The following TIMM50 variants were observed in gnomAD, a reference collection of about 807,000 sequenced individuals.
The protein encoded by TIMM50 is mitochondrial import inner membrane translocase subunit TIM50.
A neutral mutation model predicts 49.6 loss-of-function variants in TIMM50; 34 were observed. The observed-to-expected ratio is 0.69, with a 90% CI of 0.52 to 0.91. TIMM50 has a LOEUF of 0.91. Ranked by LOEUF, TIMM50 falls within the 40% of genes least tolerant of loss-of-function variation. The pLI, the probability that TIMM50 is intolerant of heterozygous loss-of-function variation, is 0.00. For missense variants in TIMM50, 458 were observed against 477.8 expected (o/e 0.96, Z 0.39); for synonymous variants, 199 against 198.4 (o/e 1.00, Z -0.03).
intron 9 of TIMM50, 84 bp downstream of exon 9, chr19:39,488,301 G>A (rs2079521265): frequency 1.3e-6 from 2 of 1,494,104 alleles, no homozygotes; most frequent in African/African-American, 1.4e-5. Context: ...ATTCATGGCT[G>A]GGCGACTGAG....
Position 39,491,167 on chromosome 19 carries a change from CTTTG to C in TIMM50, c.*1351_*1354del, listed in dbSNP as rs1245637836. The C allele has an allele frequency of 2.2e-5, 3 of 137,134 alleles. No homozygotes were observed. The highest frequency in any genetic ancestry group is 2.4e-4 in the South Asian group (1 of 4,146). 8.5% of individuals were successfully genotyped at this position (137,134 alleles called of 1,614,324 possible). On this transcript the variant is annotated 3_prime_UTR_variant, in exon 11 of 11. Transcript: ENST00000607714. Reference sequence around the variant, plus strand: ...TACAGTAGCCAGTGGCCACATAAACCTTTGTTTTTTTTTTTTGAGACGGAGTTTC... The same window carrying C: ...TACAGTAGCCAGTGGCCACATAAACCTTTTTTTTTTTTGAGACGGAGTTTC...
intron 8 of TIMM50, 167 bp from the exon 9 acceptor site, chr19:39,487,894 C>T (rs751802251): frequency 3.7e-5 from 38 of 1,025,728 alleles, no homozygotes; most frequent in Non-Finnish European, 5.2e-5. Flanking sequence ...GCCTGGCCCT[C>T]TGTGGGGGTC....
At chr19:39,488,491 C>T (rs374810062) in intron 9 of TIMM50, 48 bp from the exon 10 acceptor site, 1 of 1,557,784 alleles carries the variant, frequency 6.4e-7, no homozygotes, top group Non-Finnish European at 8.8e-7. Context: ...GCCCTGCCTC[C>T]CTCTGGCCTT....
intron 9 of TIMM50, 66 bp from the exon 10 acceptor site, chr19:39,488,473 C>T: frequency 6.8e-7 from 1 of 1,476,210 alleles, no homozygotes; most frequent in Non-Finnish European, 9.4e-7. Context: ...GGGACGTTCC[C>T]CTCATGGGCC....
rs1376158611 is a variant in TIMM50 at position 39,482,892 on chromosome 19, C to G, written c.267C>G (p.Asn89Lys). 4.3e-6 allele frequency: 7 copies of G among 1,614,104 alleles called. No individual in the cohort carries two copies. In the Admixed American group the frequency reaches 8.3e-5, roughly 19 times the overall value. ...TVSVVYIFGNNPVDENGAKIP... is the reference protein window; with the variant it reads ...TVSVVYIFGNKPVDENGAKIP... ...TCCTGGTCTCCCTTGCAGGAAACAA[C>G]CCGGTGGACGAAAATGGTGCCAAGG... The change falls in exon 3 of 11, where the codon AAC becomes AAG. Residue 89 changes from asparagine to lysine, a missense_variant. Coordinates refer to ENST00000607714, the MANE Select transcript of TIMM50 (RefSeq NM_001001563.5).
chr19:39,481,401 C>A, intron 1 of TIMM50: 1 of 245,240 alleles, frequency 4.1e-6, no homozygotes, highest in South Asian at 7.0e-5. Flanking sequence ...CACTTCTGTG[C>A]CTTAGTTCCC....
chr19:39,483,379 G>A, intron 4 of TIMM50: 1 of 594,000 alleles, frequency 1.7e-6, no homozygotes, highest in Non-Finnish European at 3.0e-6. Flanking sequence ...ATGGGGGATT[G>A]GAGCCTTGGG....
At position 39,483,161 on chromosome 19, in the gene TIMM50, G is replaced by C. The variant is rs1397788527; in HGVS notation, c.313+5G>C. On this transcript the variant is annotated splice_donor_5th_base_variant and intron_variant, in intron 4 of 10. Transcript: ENST00000607714. ...TTCCTGATGAGTTCGACAATGGTGAGTAAACAAGCACAGATTCTGGAGTCC... is the reference window on the plus strand; with the variant it reads ...TTCCTGATGAGTTCGACAATGGTGACTAAACAAGCACAGATTCTGGAGTCC... The C allele has an allele frequency of 6.2e-7, 1 of 1,614,012 alleles. No homozygotes were observed.
At chr19:39,486,632 C>G in intron 8 of TIMM50, 137 bp downstream of exon 8, 1 of 779,202 alleles carries the variant, frequency 1.3e-6, no homozygotes, top group South Asian at 1.6e-5. Context: ...CAGGCACATG[C>G]CTGCCTCTAG....
In TIMM50 at chr19:39,488,519, A is replaced by C. The variant is rs745978678; in HGVS notation, c.854-20A>C. The C allele has an allele frequency of 1.2e-5, 20 of 1,608,102 alleles. No individual in the cohort carries two copies. Among genetic ancestry groups the C allele is most frequent in the Non-Finnish European group, 1.7e-5 (20 of 1,176,574 alleles). ...CTGGCCTTTAGAAGCCTGGCTGACC[A>C]CCCCCTGTTGTGCCCACAGCCATTG... On this transcript the variant is annotated intron_variant, in intron 9 of 10. Transcript: ENST00000607714.
chr19:39,482,659 CAAA>C (rs202217358), intron 2 of TIMM50, among the ~76,000 whole-genome samples: 5 of 125,422 alleles, frequency 4.0e-5, no homozygotes, highest in Admixed American at 8.2e-5. Flanking sequence ...GACTCTGTCT[CAAA>C]AAAAAAAAAA....
At chr19:39,488,745 C>A in intron 10 of TIMM50, 100 bp downstream of exon 10, 2 of 914,450 alleles carry the variant, frequency 2.2e-6, no homozygotes, top group Non-Finnish European at 3.5e-6. Context: ...GCTGTGTGAC[C>A]CTGAGCAGAT....
intron 3 of TIMM50, 50 bp from the exon 4 acceptor site, chr19:39,483,085 G>A: frequency 6.2e-7 from 1 of 1,613,490 alleles, no homozygotes; most frequent in South Asian, 1.1e-5. Flanking sequence ...TATGTGATGG[G>A]GTTCTGCCTC....
chr19:39,482,745 C>A, intron 2 of TIMM50, 140 bp from the exon 3 acceptor site: 2 of 1,061,066 alleles, frequency 1.9e-6, no homozygotes, highest in Non-Finnish European at 2.8e-6. Flanking sequence ...TGGCTCCCAG[C>A]CCCCTCCTGG....
At position 39,485,625 on chromosome 19, in the gene TIMM50, G is replaced by A. The variant is rs201450004; in HGVS notation, c.372+23G>A. ...CAGGTGAGCAGAAGCCCTGGGCTCA[G>A]TCCCCATGTCTCCAGCCCTGGCCTC... is the stretch of plus-strand genomic sequence containing the variant. On this transcript the variant is annotated intron_variant, in intron 5 of 10. Transcript: ENST00000607714. 4.3e-5 allele frequency: 69 copies of A among 1,614,124 alleles called. No individual in the cohort carries two copies. The African/African-American group carries it at 8.9e-4, about 21-fold the overall frequency.
At chr19:39,485,846 G>C (rs114734138) in intron 6 of TIMM50, 39 bp downstream of exon 6, 2 of 1,611,686 alleles carry the variant, frequency 1.2e-6, no homozygotes, top group Middle Eastern at 1.7e-4. Flanking sequence ...GGATAGACCT[G>C]GGCAGTGGGG....
In TIMM50 at chr19:39,492,578, ATATCT is replaced by A. The variant is rs1418629487; in HGVS notation, c.*2761_*2765del. On this transcript the variant is annotated 3_prime_UTR_variant, in exon 11 of 11. Transcript: ENST00000607714. ...CCATATGGGTTATTCACAGATTGAA[ATATCT>A]TAGCTGGGCACGGTGGCTCACCCCT... 2.0e-5 allele frequency: 3 copies of A among 151,886 alleles called. No individual in the cohort carries two copies. The allele number at this position is 151,886 out of a possible 1,614,324, so 9.4% of individuals were successfully genotyped here. A position where few individuals can be genotyped will look rare whatever the true frequency, so the allele number is the denominator to read the frequency against.
rs759249116 is a variant in TIMM50 at position 39,485,823 on chromosome 19, C to T, written c.492+16C>T. ...TGAGTGGTCGGTGTGTCCCGGGAAA[C>T]CCAGTGGGTTGGGGATAGACCTGGG... On this transcript the variant is annotated intron_variant, in intron 6 of 10. Coordinates refer to ENST00000607714, the MANE Select transcript of TIMM50 (RefSeq NM_001001563.5). 17 of 1,613,880 alleles carry T rather than the reference C, an allele frequency of 1.1e-5. No individual in the cohort carries two copies. Among genetic ancestry groups the T allele is most frequent in the South Asian group, 5.5e-5 (5 of 91,078 alleles).
chr19:39,483,398 C>T, intron 4 of TIMM50: 5 of 490,110 alleles, frequency 1.0e-5, no homozygotes, highest in Non-Finnish European at 7.4e-6. Context: ...GGTGGGAGGG[C>T]TTGGGGACAC....
Sources: gnomAD v4.1 joint callset for allele counts (sites outside exome capture counted in the v4.1 genomes callset) on GRCh38, gnomAD v4.1.1 for gene constraint, MANE v1.5 for transcripts, NCBI Gene and HGNC (gene_info 2026-07-23, HGNC 2026-07-21) for gene names.